Variants in TENM4 observed in about 807,000 individuals in gnomAD.
The protein encoded by TENM4 is teneurin transmembrane protein 4.
TENM4 carries 82 observed loss-of-function variants against 243.3 expected under a neutral mutation model. That is an observed-to-expected ratio of 0.34 (90% confidence interval 0.28 to 0.40). The LOEUF is 0.40. TENM4 is among the 10% of genes least tolerant of loss of function. The probability of loss-of-function intolerance (pLI) is 1.00; values close to 1 mark genes in which losing one functional copy is unlikely to be tolerated. For synonymous variants in TENM4, 1,412 were observed against 1,456.3 expected (o/e 0.97, Z 0.69); for missense variants, 3,138 against 3,673.3 (o/e 0.85, Z 3.77).
chr11:79,334,072 C>T (rs566013063), intron 1 of TENM4, among the ~76,000 whole-genome samples: 16 of 152,290 alleles, frequency 1.1e-4, no homozygotes, highest in South Asian at 2.1e-4. Context: ...ACAGCAACAC[C>T]GAGCATGGCA....
chr11:79,303,392 G>A (rs1856579866), intron 1 of TENM4, among the ~76,000 whole-genome samples: 1 of 152,150 alleles, frequency 6.6e-6, no homozygotes, highest in Admixed American at 6.5e-5. Context: ...ACCTACCCCT[G>A]GGTTGCTGCA....
chr11:79,374,552 C>CTATATGTAGA (rs1555057063), intron 1 of TENM4, among the ~76,000 whole-genome samples: 8 of 150,834 alleles, frequency 5.3e-5, no homozygotes, highest in African/African-American at 2.0e-4. Flanking sequence ...ATCTATATAT[C>CTATATGTAGA]TATATAGATA....
At chr11:79,131,166 C>T (rs147302895) in intron 4 of TENM4, among the ~76,000 whole-genome samples, 2 of 152,204 alleles carry the variant, frequency 1.3e-5, no homozygotes, top group African/African-American at 4.8e-5. Context: ...CATCCAAATA[C>T]AAGAAATACA....
chr11:78,886,391 G>A (rs1020031330), intron 9 of TENM4, among the ~76,000 whole-genome samples: 7 of 152,130 alleles, frequency 4.6e-5, no homozygotes, highest in African/African-American at 1.4e-4. Context: ...TGTAATTATG[G>A]CCAAGCAACA....
chr11:78,854,010 C>T (rs1004853226), intron 12 of TENM4, 94 bp downstream of exon 12: 1 of 1,265,912 alleles, frequency 7.9e-7, no homozygotes, highest in Non-Finnish European at 1.1e-6. Flanking sequence ...ACAGCTCTGA[C>T]ATCCCCTTGT....
chr11:78,739,749 G>C (rs1855879106), intron 19 of TENM4, among the ~76,000 whole-genome samples: 2 of 152,190 alleles, frequency 1.3e-5, no homozygotes. Context: ...TCTCCCTTGG[G>C]GTGATTTTGA....
intron 1 of TENM4, among the ~76,000 whole-genome samples, chr11:79,374,484 G>C (rs1346779265): frequency 6.6e-6 from 1 of 151,918 alleles, no homozygotes; most frequent in East Asian, 1.9e-4. Context: ...TTACTGGAAA[G>C]CCCATTTCCT....
chr11:79,438,678 G>C lies in TENM4; in HGVS notation c.-321+1831C>G, dbSNP rs980080700. Among the ~76,000 whole-genome samples the C allele has an allele frequency of 6.6e-6, 1 of 152,182 alleles. No individual in the cohort carries two copies. The highest frequency in any genetic ancestry group is 1.5e-5 in the Non-Finnish European group (1 of 68,016). ...GGAAGGGCGGAAAAGAGGGGCTTTG[G>C]GGCTCCCCAGGACACCAAGTCAGTT... On this transcript the variant is annotated intron_variant, in intron 1 of 33. Transcript: ENST00000278550. The surrounding 1 kb of genome is among the most constrained non-coding windows in gnomAD (Gnocchi z 4.1).
rs368277119 is a variant in TENM4, at chr11:78,805,361, C to T, written c.2110G>A (p.Gly704Arg). Residue 704 changes from glycine to arginine, a missense_variant, in exon 15 of 34, where the codon GGA (glycine) becomes AGA (arginine). Gly to Arg is a moderately radical substitution (Grantham distance 125). Around this residue, in one of 2 missense-constraint regions of TENM4, gnomAD observed 2,467 missense variants for 3,059.1 expected, o/e 0.81. Transcript: ENST00000278550. ...AGCCCGGTGTCCGGGAGGAAGGTTC[C>T]GTGGCCTGAACACTGGTCTAAGCAT... ...ATCLDQCSGH[G>R]TFLPDTGLCS... 7.3e-5 allele frequency: 98 copies of T among 1,351,116 alleles called. No individual in the cohort carries two copies. Among genetic ancestry groups the T allele is most frequent in the Middle Eastern group, 2.0e-4 (1 of 5,112 alleles). 83.7% of individuals were successfully genotyped at this position (1,351,116 alleles called of 1,614,324 possible).
intron 3 of TENM4, among the ~76,000 whole-genome samples, chr11:79,207,299 A>C (rs1263466258): frequency 6.6e-6 from 1 of 152,248 alleles, no homozygotes; most frequent in Non-Finnish European, 1.5e-5. Context: ...TGCTGTTGCC[A>C]AGAATAATAA....
At chr11:79,309,959 C>G (rs1294999732) in intron 1 of TENM4, among the ~76,000 whole-genome samples, 3 of 152,198 alleles carry the variant, frequency 2.0e-5, no homozygotes, top group Admixed American at 2.0e-4. Flanking sequence ...CTGTGGGAGC[C>G]TGTCCTGACC....
chr11:79,412,392 A>C (rs545565372), intron 1 of TENM4, among the ~76,000 whole-genome samples: 1 of 152,294 alleles, frequency 6.6e-6, no homozygotes, highest in South Asian at 2.1e-4. Flanking sequence ...GTTGGGGTCC[A>C]CCAGTTACCA....
chr11:79,003,725 A>G (rs1439721081), intron 6 of TENM4, among the ~76,000 whole-genome samples: 2 of 152,150 alleles, frequency 1.3e-5, no homozygotes, highest in African/African-American at 4.8e-5. Flanking sequence ...ACCATCCCCA[A>G]AGGTCTATGT....
At chr11:78,739,624 G>A (rs1440655333) in intron 19 of TENM4, among the ~76,000 whole-genome samples, 1 of 151,950 alleles carries the variant, frequency 6.6e-6, no homozygotes, top group Non-Finnish European at 1.5e-5. Flanking sequence ...CTAGAATGGT[G>A]GCTTTTTAAA....
intron 28 of TENM4, among the ~76,000 whole-genome samples, chr11:78,693,956 C>T (rs996023219): frequency 6.6e-5 from 10 of 151,926 alleles, no homozygotes; most frequent in Non-Finnish European, 5.9e-5. Context: ...CAGAGGTTGC[C>T]GTGAGCCGAG....
At chr11:79,390,766 T>C (rs938156434) in intron 1 of TENM4, among the ~76,000 whole-genome samples, 1 of 152,204 alleles carries the variant, frequency 6.6e-6, no homozygotes, top group African/African-American at 2.4e-5. Flanking sequence ...TCCAGGCCAA[T>C]GTGTCCTGGG....
intron 9 of TENM4, among the ~76,000 whole-genome samples, chr11:78,872,306 G>A (rs1859153777): frequency 6.6e-6 from 1 of 152,160 alleles, no homozygotes; most frequent in Non-Finnish European, 1.5e-5. Context: ...CACACAGAAG[G>A]GGTGCTTAAA....
chr11:79,011,741 G>C (rs1003940137), intron 6 of TENM4, among the ~76,000 whole-genome samples: 2 of 152,222 alleles, frequency 1.3e-5, no homozygotes, highest in Non-Finnish European at 2.9e-5. Flanking sequence ...CTTATGGCCT[G>C]AAATAATGTA....
Position 79,058,834 on chromosome 11 carries a change from G to C in TENM4, c.493+5904C>G, listed in dbSNP as rs71471435. 2.2e-3 allele frequency among the ~76,000 whole-genome samples: 336 copies of C among 152,258 alleles called. 1 individual carries two copies. Among genetic ancestry groups the C allele is most frequent in the Non-Finnish European group, 3.7e-3 (255 of 68,022 alleles). On this transcript the variant is annotated intron_variant, in intron 6 of 33. Coordinates refer to ENST00000278550, the MANE Select transcript of TENM4 (RefSeq NM_001098816.3). ...GGCAAGCAGCAGAGTAATCAAATGT[G>C]GGGCCCAATCCCTACCCTAGTGGAT...
Sources: allele counts gnomAD v4.1 joint callset (sites outside exome capture counted in the v4.1 genomes callset), GRCh38; gene constraint gnomAD v4.1.1; regional missense constraint gnomAD v4.1.1; non-coding constraint Gnocchi (gnomAD v3.1); transcripts MANE v1.5; gene names NCBI Gene and HGNC (gene_info 2026-07-23, HGNC 2026-07-21).